The following SSH1 variants were observed in gnomAD, a reference collection of about 807,000 sequenced individuals.
SSH1 encodes the protein protein phosphatase Slingshot homolog 1.
Under a neutral mutation model 79.7 loss-of-function variants are expected in SSH1, and 43 were observed. The ratio of observed to expected loss-of-function variants is 0.54; its 90% CI spans 0.42 to 0.70. The LOEUF (loss-of-function observed/expected upper bound fraction) is 0.70. Among genes scored for constraint, SSH1 ranks in the 30% least tolerant of loss-of-function variants. The pLI, the probability that SSH1 is intolerant of heterozygous loss-of-function variation, is 0.00. For synonymous variants in SSH1, 599 were observed against 538.3 expected (o/e 1.11, Z -1.56); for missense variants, 1,206 against 1,358.8 (o/e 0.89, Z 1.77).
At chr12:108,797,550 C>A (rs1175720627) in intron 13 of SSH1, among the ~76,000 whole-genome samples, 1 of 152,124 alleles carries the variant, frequency 6.6e-6, no homozygotes, top group African/African-American at 2.4e-5. Flanking sequence ...CCCACTCCAC[C>A]CCCATCCTGT....
intron 14 of SSH1, among the ~76,000 whole-genome samples, chr12:108,791,306 C>T (rs2036489684): frequency 6.6e-6 from 1 of 152,154 alleles, no homozygotes; most frequent in African/African-American, 2.4e-5. Flanking sequence ...GACAGGGTTT[C>T]ACCATGTTGG....
At chr12:108,800,969 A>T in intron 11 of SSH1, 43 bp from the exon 12 acceptor site, 1 of 1,584,334 alleles carries the variant, frequency 6.3e-7, no homozygotes. Flanking sequence ...GACAATCTGA[A>T]TGAGAAAGAA....
intron 3 of SSH1, 54 bp from the exon 4 acceptor site, chr12:108,818,367 A>T: frequency 6.5e-7 from 1 of 1,540,956 alleles, no homozygotes; most frequent in Admixed American, 1.7e-5. Flanking sequence ...TCTCTAGGAA[A>T]AAAAACCTCT....
At chr12:108,809,387 G>A (rs1245878795) in intron 7 of SSH1, among the ~76,000 whole-genome samples, 1 of 150,618 alleles carries the variant, frequency 6.6e-6, no homozygotes, top group African/African-American at 2.4e-5. Context: ...AGCCTGGGAG[G>A]TCAAGGCTGC....
chr12:108,820,975 A>G (rs961302647), intron 3 of SSH1, among the ~76,000 whole-genome samples: 2 of 152,218 alleles, frequency 1.3e-5, no homozygotes, highest in African/African-American at 4.8e-5. Flanking sequence ...GGAAGGAGGT[A>G]TCTGACACTT....
At chr12:108,836,035 ATTAATATT>A (rs1485696403) in intron 2 of SSH1, among the ~76,000 whole-genome samples, 6 of 145,114 alleles carry the variant, frequency 4.1e-5, no homozygotes, top group Admixed American at 1.4e-4. Flanking sequence ...AATCGATTAT[ATTAATATT>A]AATATAATCA....
intron 3 of SSH1, among the ~76,000 whole-genome samples, chr12:108,822,577 A>T (rs2038163702): frequency 6.6e-6 from 1 of 152,120 alleles, no homozygotes; most frequent in African/African-American, 2.4e-5. Flanking sequence ...CTCCCAAAGC[A>T]CTGGGATTAC....
chr12:108,844,612 C>T (rs749904990), intron 2 of SSH1, among the ~76,000 whole-genome samples: 31 of 152,326 alleles, frequency 2.0e-4, no homozygotes, highest in Non-Finnish European at 2.2e-4. Flanking sequence ...TAGGTGCATG[C>T]ACCCGAGTGA....
intron 2 of SSH1, among the ~76,000 whole-genome samples, chr12:108,845,846 T>C (rs2038888519): frequency 6.6e-6 from 1 of 152,150 alleles, no homozygotes; most frequent in Non-Finnish European, 1.5e-5. Flanking sequence ...TTGGCAGGAC[T>C]TAACTGGACA....
At chr12:108,819,977 G>A (rs1358143830) in intron 3 of SSH1, among the ~76,000 whole-genome samples, 4 of 152,180 alleles carry the variant, frequency 2.6e-5, no homozygotes, top group African/African-American at 9.7e-5. Context: ...TCTCAGAGAG[G>A]AATTGGGTCA....
intron 13 of SSH1, among the ~76,000 whole-genome samples, chr12:108,794,172 C>T (rs1455119543): frequency 6.6e-6 from 1 of 152,218 alleles, no homozygotes; most frequent in African/African-American, 2.4e-5. Flanking sequence ...CCTGTGGCTT[C>T]CTTCCAACAC....
chr12:108,791,880 G>C (rs1423460600), intron 14 of SSH1: 1 of 1,208,788 alleles, frequency 8.3e-7, no homozygotes, highest in African/African-American at 1.6e-5. Context: ...TGGGTGGTAG[G>C]GGTGAGATGA....
chr12:108,814,589 A>G (rs1020206863), intron 5 of SSH1, among the ~76,000 whole-genome samples: 1 of 152,188 alleles, frequency 6.6e-6, no homozygotes, highest in Admixed American at 6.5e-5. Context: ...GCCCAGCGAC[A>G]GGAAAGACTG....
chr12:108,827,352 T>G (rs1410416074), intron 2 of SSH1: 2 of 1,548,386 alleles, frequency 1.3e-6, no homozygotes, highest in Non-Finnish European at 1.7e-6. Context: ...GGTTCGTGGC[T>G]GCAGTGCTCA....
rs1419672390 is a variant in SSH1, at chr12:108,785,971, T to A, written c.*2017A>T. ...TTAAGGTGATTTTAATTGACACTAGTGGGAAAACAGCTCCCTATAAAGTAA... is the reference window on the plus strand; with the variant it reads ...TTAAGGTGATTTTAATTGACACTAGAGGGAAAACAGCTCCCTATAAAGTAA... On this transcript the variant is annotated 3_prime_UTR_variant, in exon 15 of 15. Transcript: ENST00000326495. 6.6e-6 allele frequency: 1 copy of A among 152,154 alleles called. No homozygotes were observed. 9.4% of individuals were successfully genotyped at this position (152,154 alleles called of 1,614,324 possible).
At chr12:108,831,697 T>C (rs1184133736) in intron 2 of SSH1, among the ~76,000 whole-genome samples, 1 of 151,844 alleles carries the variant, frequency 6.6e-6, no homozygotes, top group Non-Finnish European at 1.5e-5. Context: ...GGCAGGAGAG[T>C]AAGATGATTA....
At position 108,800,936 on chromosome 12, in the gene SSH1, G is replaced by GA; in HGVS notation, c.1002-11dup. On this transcript the variant is annotated splice_polypyrimidine_tract_variant and intron_variant, in intron 11 of 14. Transcript: ENST00000326495. ...TAAAATGTAATCAACCCTGCAATGA[G>GA]AAAAAAATAAGAAACAAATTTGGAC... 1.2e-6 allele frequency: 2 copies of GA among 1,609,170 alleles called. No homozygotes were observed. The highest frequency in any genetic ancestry group is 8.5e-7 in the Non-Finnish European group (1 of 1,177,818).
rs2036881774 is a variant in SSH1 at position 108,799,210 on chromosome 12, TG to T, written c.1149-11del. The T allele has an allele frequency of 6.2e-7, 1 of 1,605,592 alleles. No homozygotes were observed. The highest frequency in any genetic ancestry group is 1.3e-5 in the African/African-American group (1 of 74,720). ...CTTGGAATGGTTCCTCCTGCAGGGG[TG>T]GGAGCAGTTGGGGAGGAGAGATGGG... On this transcript the variant is annotated splice_polypyrimidine_tract_variant and intron_variant, in intron 12 of 14. Coordinates refer to ENST00000326495, the MANE Select transcript of SSH1 (RefSeq NM_018984.4).
chr12:108,822,473 G>GTC (rs755159971), intron 3 of SSH1, among the ~76,000 whole-genome samples: 58 of 146,054 alleles, frequency 4.0e-4, no homozygotes, highest in Non-Finnish European at 7.0e-4. Context: ...AAGAAACAGA[G>GTC]TCTCTCTCTG....
Sources: gnomAD v4.1 joint callset for allele counts (sites outside exome capture counted in the v4.1 genomes callset) on GRCh38, gnomAD v4.1.1 for gene constraint, MANE v1.5 for transcripts, NCBI Gene and HGNC (gene_info 2026-07-23, HGNC 2026-07-21) for gene names.